TMLHE: variants seen among roughly 807,000 people sequenced by gnomAD.
TMLHE encodes the protein trimethyllysine dioxygenase, mitochondrial.
Under a neutral mutation model 25.7 loss-of-function variants are expected in TMLHE, and 18 were observed. The observed-to-expected ratio is 0.70, with a 90% CI of 0.48 to 1.04. The LOEUF (loss-of-function observed/expected upper bound fraction) is 1.04. Ranked by LOEUF, TMLHE falls within the 50% of genes least tolerant of loss-of-function variation. TMLHE has a pLI of 0.00. For synonymous variants in TMLHE, 105 were observed against 97.0 expected, an observed-to-expected ratio of 1.08 and a Z score of -0.49; for missense variants, 236 against 259.0, an observed-to-expected ratio of 0.91 and a Z score of 0.61.
chrX:155,584,618 A>T (rs1230412741), intron 1 of TMLHE, among the ~76,000 whole-genome samples: 1 of 111,484 alleles, frequency 9.0e-6, no homozygotes, highest in Admixed American at 9.6e-5. Flanking sequence ...ATAGCAAGAG[A>T]AAAATGTCTA....
chrX:155,512,604 A>G (rs1171483382), intron 4 of TMLHE, among the ~76,000 whole-genome samples: 1 of 110,872 alleles, frequency 9.0e-6, no homozygotes, highest in Non-Finnish European at 1.9e-5. Flanking sequence ...GTCTAACTTT[A>G]TTTACTATTT....
intron 1 of TMLHE, among the ~76,000 whole-genome samples, chrX:155,547,245 C>G (rs5983721): frequency 4.4e-5 from 4 of 91,220 alleles, no homozygotes; most frequent in Middle Eastern, 0.011. Flanking sequence ...CCCGGGTTCA[C>G]GCCATTCTCC....
chrX:155,591,352 A>G (rs1159297717), intron 1 of TMLHE, among the ~76,000 whole-genome samples: 1 of 112,101 alleles, frequency 8.9e-6, no homozygotes, highest in Admixed American at 9.5e-5. Flanking sequence ...TGACATCAAT[A>G]GAACACTTCA....
chrX:155,512,345 A>T (rs781839237), intron 4 of TMLHE, among the ~76,000 whole-genome samples: 17 of 87,206 alleles, frequency 1.9e-4, no homozygotes, highest in Non-Finnish European at 2.4e-4. Context: ...CAGTCCCCAG[A>T]GTGTGATGTT....
At chrX:155,547,034 T>C (rs1557338779) in intron 1 of TMLHE, among the ~76,000 whole-genome samples, 1 of 111,677 alleles carries the variant, frequency 9.0e-6, no homozygotes, top group African/African-American at 3.3e-5. Flanking sequence ...TAGTCAAATA[T>C]TAAATTCTTA....
At chrX:155,546,261 G>T (rs1557338684) in intron 1 of TMLHE, among the ~76,000 whole-genome samples, 2 of 111,506 alleles carry the variant, frequency 1.8e-5, no homozygotes, top group South Asian at 3.7e-4. Context: ...CTTTATGTTG[G>T]GAAAATGCCT....
intron 2 of TMLHE, among the ~76,000 whole-genome samples, chrX:155,529,210 A>G (rs1224581529): frequency 9.0e-6 from 1 of 111,276 alleles, no homozygotes; most frequent in Non-Finnish European, 1.9e-5. Flanking sequence ...AGCCTAGTAC[A>G]CTAATGTGTC....
chrX:155,523,315 G>T (rs1171159887), intron 3 of TMLHE, among the ~76,000 whole-genome samples: 1 of 111,030 alleles, frequency 9.0e-6, no homozygotes, highest in Admixed American at 9.6e-5. Context: ...TTACGTTTAA[G>T]TCCGCAATCT....
Position 155,512,918 on chromosome X carries a change from C to G in TMLHE, c.638+1068G>C, listed in dbSNP as rs144559289. On this transcript the variant is annotated intron_variant, in intron 4 of 7. Coordinates refer to ENST00000334398, the MANE Select transcript of TMLHE (RefSeq NM_018196.4). Reference sequence around the variant, plus strand: ...ATTTTCCTGTTCGGCTCAAATCTGACTAAAGGTCACTTTAATTCTTTAGCT... The same window carrying G: ...ATTTTCCTGTTCGGCTCAAATCTGAGTAAAGGTCACTTTAATTCTTTAGCT... Among the ~76,000 whole-genome samples, 765 of 111,927 alleles carry G rather than the reference C, an allele frequency of 6.8e-3. 6 individuals carry two copies. Among genetic ancestry groups the G allele is most frequent in the African/African-American group, 0.024 (725 of 30,842 alleles).
intron 2 of TMLHE, among the ~76,000 whole-genome samples, chrX:155,532,982 TTGAC>T (rs1471590882): frequency 9.0e-6 from 1 of 111,617 alleles, no homozygotes; most frequent in African/African-American, 3.3e-5. Context: ...ATATGTCAAT[TTGAC>T]TGGACCATGG....
chrX:155,524,672 A>G lies in TMLHE; in HGVS notation c.182-40T>C, dbSNP rs781957944. 2.2e-5 allele frequency: 24 copies of G among 1,095,782 alleles called. No homozygotes were observed. In the African/African-American group the frequency reaches 4.1e-4, roughly 19 times the overall value. 90.3% of individuals were successfully genotyped at this position (1,095,782 alleles called of 1,213,427 possible). ...ACATTTATCAGAACTATTTATTGAG[A>G]TAACTTTAAAAAATCAGCATCCAGA... On this transcript the variant is annotated intron_variant, in intron 2 of 7. Transcript: ENST00000334398.
chrX:155,531,557 T>C (rs1207258948), intron 2 of TMLHE, among the ~76,000 whole-genome samples: 1 of 111,549 alleles, frequency 9.0e-6, no homozygotes, highest in Non-Finnish European at 1.9e-5. Context: ...ATTTCTAACA[T>C]TGCAGATCAC....
At chrX:155,548,487 G>C (rs1420654710) in intron 1 of TMLHE, among the ~76,000 whole-genome samples, 1 of 108,684 alleles carries the variant, frequency 9.2e-6, no homozygotes, top group African/African-American at 3.5e-5. Flanking sequence ...TGAAATCCCA[G>C]CACTTTGGGA....
intron 5 of TMLHE, among the ~76,000 whole-genome samples, chrX:155,510,269 T>A (rs2067099293): frequency 9.1e-6 from 1 of 109,553 alleles, no homozygotes; most frequent in East Asian, 2.8e-4. Context: ...TTTATTATAC[T>A]TTAAGTTTTA....
intron 2 of TMLHE, among the ~76,000 whole-genome samples, chrX:155,528,245 T>C (rs1211515360): frequency 1.8e-5 from 2 of 110,582 alleles, no homozygotes; most frequent in Non-Finnish European, 3.8e-5. Context: ...ATGAAAATAA[T>C]TTAAAATGTG....
intron 6 of TMLHE, among the ~76,000 whole-genome samples, chrX:155,505,479 T>C (rs2067070931): frequency 1.8e-5 from 2 of 111,219 alleles, no homozygotes; most frequent in South Asian, 7.5e-4. Flanking sequence ...GCACAGAAGG[T>C]ATTATTATTG....
intron 1 of TMLHE, among the ~76,000 whole-genome samples, chrX:155,588,891 A>G (rs190924172): frequency 9.6e-4 from 107 of 111,883 alleles, no homozygotes; most frequent in Non-Finnish European, 1.2e-3. Context: ...TGGAATGTAA[A>G]TTAGCACAAC....
intron 1 of TMLHE, among the ~76,000 whole-genome samples, chrX:155,560,892 GA>G (rs2067492986): frequency 1.6e-5 from 1 of 61,402 alleles, no homozygotes; most frequent in African/African-American, 3.6e-5. Context: ...CATTTTAAAT[GA>G]ACTGTTCTGG....
At chrX:155,535,512 G>A (rs2067273595) in intron 2 of TMLHE, among the ~76,000 whole-genome samples, 1 of 111,735 alleles carries the variant, frequency 8.9e-6, no homozygotes, top group African/African-American at 3.3e-5. Context: ...GCTCTCAAAG[G>A]TTCCATCTTC....
Sources: allele counts gnomAD v4.1 joint callset (sites outside exome capture counted in the v4.1 genomes callset), GRCh38; gene constraint gnomAD v4.1.1; transcripts MANE v1.5; gene names NCBI Gene and HGNC (gene_info 2026-07-23, HGNC 2026-07-21).